Variants in SULF1 observed in about 807,000 individuals in gnomAD.
SULF1 encodes extracellular sulfatase Sulf-1.
SULF1 carries 46 observed loss-of-function variants against 110.5 expected under a neutral mutation model. The ratio of observed to expected loss-of-function variants is 0.42; its 90% CI spans 0.33 to 0.53. SULF1 has a LOEUF of 0.53. Among genes scored for constraint, SULF1 ranks in the 20% least tolerant of loss-of-function variants. SULF1 has a pLI of 0.12. For missense variants in SULF1, 941 were observed against 1,094.2 expected, an observed-to-expected ratio of 0.86 and a Z score of 1.98; for synonymous variants, 371 against 387.1, an observed-to-expected ratio of 0.96 and a Z score of 0.49.
At chr8:69,655,385 C>A (rs935830772) in intron 22 of SULF1, among the ~76,000 whole-genome samples, 8 of 152,210 alleles carry the variant, frequency 5.3e-5, no homozygotes, top group Non-Finnish European at 7.3e-5. Flanking sequence ...CTTGATGGTG[C>A]CCGTAATACT....
intron 5 of SULF1, among the ~76,000 whole-genome samples, chr8:69,573,882 C>T (rs142400423): frequency 7.9e-5 from 12 of 152,344 alleles, no homozygotes; most frequent in East Asian, 3.9e-4. Flanking sequence ...TTTCTTCTCA[C>T]GGTGAAAACT....
chr8:69,603,045 T>G (rs1468259181), intron 10 of SULF1, 147 bp from the exon 11 acceptor site: 1 of 1,133,812 alleles, frequency 8.8e-7, no homozygotes, highest in Non-Finnish European at 1.3e-6. Flanking sequence ...ACACCCACCC[T>G]TGCCACACAA....
chr8:69,593,372 C>A (rs1807047198), intron 8 of SULF1, among the ~76,000 whole-genome samples: 2 of 152,192 alleles, frequency 1.3e-5, no homozygotes, highest in Admixed American at 1.3e-4. Context: ...ATTTGACAGG[C>A]CCTGCAAACA....
At chr8:69,542,670 AT>A (rs1466096452) in intron 3 of SULF1, among the ~76,000 whole-genome samples, 1 of 152,220 alleles carries the variant, frequency 6.6e-6, no homozygotes, top group Non-Finnish European at 1.5e-5. Context: ...AGCATCCTCA[AT>A]TTTAAAATAA....
At chr8:69,469,065 T>C (rs1808977932) in intron 1 of SULF1, among the ~76,000 whole-genome samples, 1 of 152,232 alleles carries the variant, frequency 6.6e-6, no homozygotes, top group African/African-American at 2.4e-5. Context: ...GCCGTGTTTT[T>C]GTCCCCCTAA....
intron 13 of SULF1, among the ~76,000 whole-genome samples, chr8:69,608,968 T>G (rs1808433758): frequency 6.6e-6 from 1 of 152,016 alleles, no homozygotes; most frequent in Non-Finnish European, 1.5e-5. Context: ...GAGGGGCAAA[T>G]CTCGACCTCT....
At chr8:69,628,292 C>G in intron 18 of SULF1, 56 bp downstream of exon 18, 1 of 1,491,950 alleles carries the variant, frequency 6.7e-7, no homozygotes. Flanking sequence ...TCCACCTGGC[C>G]CTTCGAAGAG....
chr8:69,624,323 C>T, intron 15 of SULF1, 126 bp downstream of exon 15: 4 of 1,269,864 alleles, frequency 3.1e-6, no homozygotes, highest in Non-Finnish European at 3.2e-6. Flanking sequence ...TGAGGGCTGG[C>T]CTATGTAGCA....
intron 7 of SULF1, among the ~76,000 whole-genome samples, chr8:69,587,388 A>T (rs1335958940): frequency 6.6e-6 from 1 of 152,160 alleles, no homozygotes; most frequent in Non-Finnish European, 1.5e-5. Context: ...ATGTTGGCAT[A>T]TTGCTGTCTT....
chr8:69,485,617 C>T (rs1809673129), intron 1 of SULF1, among the ~76,000 whole-genome samples: 1 of 152,292 alleles, frequency 6.6e-6, no homozygotes. Flanking sequence ...TCAGCACATC[C>T]TTATCAGCAT....
At chr8:69,624,864 G>C (rs1283725901) in intron 15 of SULF1, among the ~76,000 whole-genome samples, 1 of 152,158 alleles carries the variant, frequency 6.6e-6, no homozygotes, top group Non-Finnish European at 1.5e-5. Context: ...CTCTTGATTA[G>C]GAAATGTTTT....
At chr8:69,529,153 A>C (rs1156243985) in intron 3 of SULF1, among the ~76,000 whole-genome samples, 1 of 152,180 alleles carries the variant, frequency 6.6e-6, no homozygotes, top group Non-Finnish European at 1.5e-5. Context: ...CACAGCTAGC[A>C]AAGGGGCAGA....
chr8:69,491,371 A>C (rs1809933918), upstream of SULF1, among the ~76,000 whole-genome samples: 1 of 152,200 alleles, frequency 6.6e-6, no homozygotes, highest in Non-Finnish European at 1.5e-5. Flanking sequence ...ATAATGGAGG[A>C]GTTCCTCCAT....
intron 1 of SULF1, among the ~76,000 whole-genome samples, chr8:69,478,324 A>G (rs1476785408): frequency 2.6e-5 from 4 of 152,088 alleles, no homozygotes; most frequent in Non-Finnish European, 5.9e-5. Context: ...CTGTTTCATC[A>G]TATCACTCCA....
In SULF1 at chr8:69,555,636, A is replaced by C. The variant is rs982666725; in HGVS notation, c.-133-7903A>C. ...CTTGCCACTGCACTCCAGCCTAGGC[A>C]ACAGGCAAGACTCCATCTCAAAAAA... On this transcript the variant is annotated intron_variant, in intron 3 of 22. Transcript: ENST00000402687. Among the ~76,000 whole-genome samples, 6 of 150,998 alleles carry C rather than the reference A, an allele frequency of 4.0e-5. 1 individual carries two copies. The South Asian group carries it at 1.3e-3, about 32-fold the overall frequency.
intron 5 of SULF1, among the ~76,000 whole-genome samples, chr8:69,571,815 C>A (rs1040020849): frequency 1.3e-5 from 2 of 152,148 alleles, no homozygotes; most frequent in South Asian, 2.1e-4. Context: ...CAGGGTAAGG[C>A]AGTGTTATTG....
rs999764450 is a variant in SULF1, at chr8:69,541,755, T to C, written c.-133-21784T>C. On this transcript the variant is annotated intron_variant, in intron 3 of 22. Transcript: ENST00000402687. ...GGACAGGAAGCCATTAAATAAGATA[T>C]GTGGGTATTGTTAGTGTATGACATA... is the stretch of plus-strand genomic sequence containing the variant. 1.1e-4 allele frequency among the ~76,000 whole-genome samples: 16 copies of C among 152,308 alleles called. No individual in the cohort carries two copies. In the East Asian group the frequency reaches 2.5e-3, roughly 24 times the overall value.
intron 13 of SULF1, among the ~76,000 whole-genome samples, chr8:69,618,300 A>G (rs1442512331): frequency 6.6e-6 from 1 of 152,218 alleles, no homozygotes; most frequent in East Asian, 1.9e-4. Context: ...AACCAACTGC[A>G]GATTGAAAGA....
chr8:69,604,790 CT>C lies in SULF1; in HGVS notation c.1248-8del. The C allele has an allele frequency of 6.2e-7, 1 of 1,613,784 alleles. No homozygotes were observed. Among genetic ancestry groups the C allele is most frequent in the Middle Eastern group, 1.7e-4 (1 of 6,054 alleles). ...CACTTCTCATGTACGAAGCTTTTCCCTTTTTGTCGAAGCAAATTTCTACGTA... is the reference window on the plus strand; with the variant it reads ...CACTTCTCATGTACGAAGCTTTTCCCTTTTGTCGAAGCAAATTTCTACGTA... On this transcript the variant is annotated splice_polypyrimidine_tract_variant and intron_variant, in intron 12 of 22. Coordinates refer to ENST00000402687, the MANE Select transcript of SULF1 (RefSeq NM_001128205.2).
Sources: allele counts gnomAD v4.1 joint callset (sites outside exome capture counted in the v4.1 genomes callset), GRCh38; gene constraint gnomAD v4.1.1; transcripts MANE v1.5; gene names NCBI Gene and HGNC (gene_info 2026-07-23, HGNC 2026-07-21).